Variants in CYP11A1 observed in about 807,000 individuals in gnomAD.
CYP11A1 encodes the protein cytochrome P450 family 11 subfamily A member 1.
A neutral mutation model predicts 51.9 loss-of-function variants in CYP11A1; 25 were observed. The ratio of observed to expected loss-of-function variants is 0.48; its 90% CI spans 0.35 to 0.67. The LOEUF (loss-of-function observed/expected upper bound fraction) is 0.67, where lower values mean the gene tolerates loss of function less well. Ranked by LOEUF, CYP11A1 falls within the 30% of genes least tolerant of loss-of-function variation. The pLI is 0.00. For synonymous variants in CYP11A1, 245 were observed against 262.1 expected, an observed-to-expected ratio of 0.93 and a Z score of 0.63; for missense variants, 578 against 680.9, an observed-to-expected ratio of 0.85 and a Z score of 1.68.
At chr15:74,367,112 T>G in intron 1 of CYP11A1, 1 of 623,952 alleles carries the variant, frequency 1.6e-6, no homozygotes, top group Non-Finnish European at 2.8e-6. Context: ...TTAGAGTACT[T>G]AAGACATTCA....
chr15:74,344,081 C>G (rs2060621419), intron 3 of CYP11A1, 89 bp from the exon 4 acceptor site: 1 of 1,073,990 alleles, frequency 9.3e-7, no homozygotes, highest in Non-Finnish European at 1.4e-6. Flanking sequence ...CCTCACCTCC[C>G]TCAGCACAAA....
chr15:74,364,267 A>G (rs12913682), intron 1 of CYP11A1: 103,395 of 151,606 alleles, frequency 0.68, 35,259 homozygotes, highest in Non-Finnish European at 0.71. Flanking sequence ...GCCCCAAGCC[A>G]GCATGAAGCA....
intron 1 of CYP11A1, among the ~76,000 whole-genome samples, chr15:74,354,077 T>G (rs2060666759): frequency 6.6e-6 from 1 of 152,188 alleles, no homozygotes. Flanking sequence ...TGAATATTCT[T>G]AATTCATTGC....
chr15:74,354,946 G>A (rs1026218381), intron 1 of CYP11A1, among the ~76,000 whole-genome samples: 1 of 152,084 alleles, frequency 6.6e-6, no homozygotes, highest in Non-Finnish European at 1.5e-5. Flanking sequence ...CATTTCAGAG[G>A]TGTTTGATCA....
chr15:74,344,072 C>G (rs1279742501), intron 3 of CYP11A1, 80 bp from the exon 4 acceptor site: 12 of 1,125,900 alleles, frequency 1.1e-5, no homozygotes, highest in East Asian at 7.1e-5. Context: ...CTCCTCCACC[C>G]TCACCTCCCT....
intron 1 of CYP11A1, among the ~76,000 whole-genome samples, chr15:74,358,999 C>T (rs2060694417): frequency 6.6e-6 from 1 of 152,186 alleles, no homozygotes; most frequent in Non-Finnish European, 1.5e-5. Context: ...CAAGTAATTA[C>T]ACTGAATCCC....
chr15:74,349,926 T>A (rs114716485), intron 1 of CYP11A1, among the ~76,000 whole-genome samples: 2,761 of 152,166 alleles, frequency 0.018, 78 homozygotes, highest in African/African-American at 0.064. Flanking sequence ...CACTCCACCC[T>A]GGGAGACAGA....
rs2060692044 is a variant in CYP11A1 at position 74,358,462 on chromosome 15, C to T, written c.269+8855G>A. Among the ~76,000 whole-genome samples, 5 of 152,330 alleles carry T rather than the reference C, an allele frequency of 3.3e-5. No individual in the cohort carries two copies. The South Asian group carries it at 1.0e-3, about 32-fold the overall frequency. On this transcript the variant is annotated intron_variant, in intron 1 of 8. Transcript: ENST00000268053. ...AAGCCACTAGCCCACCTCTTAGAACCTCTCATTTCCTTTCCATCATGGAAA... is the reference window on the plus strand; with the variant it reads ...AAGCCACTAGCCCACCTCTTAGAACTTCTCATTTCCTTTCCATCATGGAAA...
intron 1 of CYP11A1, 78 bp downstream of exon 1, chr15:74,367,239 G>A: frequency 1.9e-6 from 3 of 1,542,788 alleles, no homozygotes; most frequent in Non-Finnish European, 2.7e-6. Flanking sequence ...GCCTGTTGGG[G>A]GAGTGGGGAC....
chr15:74,341,665 T>C (rs541210660), intron 5 of CYP11A1, among the ~76,000 whole-genome samples: 1 of 152,354 alleles, frequency 6.6e-6, no homozygotes, highest in Non-Finnish European at 1.5e-5. Flanking sequence ...GCCTCCCTGT[T>C]ATAGGCTGAG....
chr15:74,340,706 A>C (rs919067993), intron 5 of CYP11A1, among the ~76,000 whole-genome samples: 2 of 152,152 alleles, frequency 1.3e-5, no homozygotes, highest in African/African-American at 4.8e-5. Context: ...CAGATGCGGA[A>C]ACTGAAACAA....
At chr15:74,339,140 G>T in intron 7 of CYP11A1, 97 bp downstream of exon 7, 7 of 1,015,368 alleles carry the variant, frequency 6.9e-6, no homozygotes, top group Non-Finnish European at 1.1e-5. Flanking sequence ...GCCATCAAGG[G>T]CCCCACCAGG....
chr15:74,337,982 G>A lies in CYP11A1; in HGVS notation c.1556C>T (p.Thr519Ile). The A allele has an allele frequency of 1.2e-6, 2 of 1,614,054 alleles. No homozygotes were observed. Among genetic ancestry groups the A allele is most frequent in the South Asian group, 2.2e-5 (2 of 91,072 alleles). ...GGCCATCCTCTCTGATCACTGCTGG[G>A]TTGCTTCCTGGTTAAAGGGCCAGAA... ...FTFWPFNQEA[T>I]QQ is the part of the protein sequence containing the mutation. The change falls in exon 9 of 9, where the codon ACC becomes ATC. Residue 519 changes from threonine to isoleucine, a missense_variant. Coordinates refer to ENST00000268053, the MANE Select transcript of CYP11A1 (RefSeq NM_000781.3).
rs1285900251 is a variant in CYP11A1, at chr15:74,345,794, A to G, written c.426-551T>C. Among the ~76,000 whole-genome samples, 1 of 152,196 alleles carries G rather than the reference A, an allele frequency of 6.6e-6. No homozygotes were observed. Among genetic ancestry groups the G allele is most frequent in the Non-Finnish European group, 1.5e-5 (1 of 68,038 alleles). ...ACCTTAATTCATGCACACTCTTGAA[A>G]TTCATCAATCCATGCAAAGTCCTCT... On this transcript the variant is annotated intron_variant, in intron 2 of 8. Transcript: ENST00000268053. The surrounding 1 kb of genome is among the most constrained non-coding windows in gnomAD (Gnocchi z 4.3).
At chr15:74,342,937 C>T in intron 5 of CYP11A1, 40 bp downstream of exon 5, 2 of 1,609,852 alleles carry the variant, frequency 1.2e-6, no homozygotes, top group South Asian at 1.1e-5. Flanking sequence ...GGCACGTGGG[C>T]ACAGGGGGCA....
Position 74,345,024 on chromosome 15 carries a change from C to T in CYP11A1, c.625+20G>A. 1 of 1,611,230 alleles carries T rather than the reference C, an allele frequency of 6.2e-7. No homozygotes were observed. Among genetic ancestry groups the T allele is most frequent in the Non-Finnish European group, 8.5e-7 (1 of 1,177,402 alleles). ...CTCCCACCCCCATGCCCACTGCCAGCCAGGTGCAAGCCCCCTTACACTCAA... is the reference window on the plus strand; with the variant it reads ...CTCCCACCCCCATGCCCACTGCCAGTCAGGTGCAAGCCCCCTTACACTCAA... On this transcript the variant is annotated intron_variant, in intron 3 of 8. Transcript: ENST00000268053. This position sits in a 1 kb window ranked among gnomAD's most constrained non-coding sequence, Gnocchi z 4.3.
chr15:74,354,106 C>T (rs780032324), intron 1 of CYP11A1, among the ~76,000 whole-genome samples: 7 of 152,146 alleles, frequency 4.6e-5, no homozygotes, highest in African/African-American at 7.2e-5. Context: ...TGTTTGCATA[C>T]AGTCAAGCAG....
At position 74,367,319 on chromosome 15, in the gene CYP11A1, G is replaced by A; in HGVS notation, c.267C>T (p.Tyr89=). ...VQNFQKYGPI[Y]REKLGNVESV... is the part of the protein sequence containing the mutation. ...CTCCCACCCTCTGCCAGGCTTACCT[G>A]TAAATCGGGCCATACTTCTGGAAAT... The change falls in exon 1 of 9, where the codon TAC becomes TAT. Residue 89 remains tyrosine, a splice_region_variant and synonymous_variant. Coordinates refer to ENST00000268053, the MANE Select transcript of CYP11A1 (RefSeq NM_000781.3). The A allele has an allele frequency of 6.8e-6, 11 of 1,614,168 alleles. No individual in the cohort carries two copies. The highest frequency in any genetic ancestry group is 8.5e-6 in the Non-Finnish European group (10 of 1,180,034).
At chr15:74,353,313 A>C (rs1008665345) in intron 1 of CYP11A1, among the ~76,000 whole-genome samples, 2 of 152,228 alleles carry the variant, frequency 1.3e-5, no homozygotes, top group Non-Finnish European at 2.9e-5. Flanking sequence ...AGAATTGGAA[A>C]CATTTGGCTA....
Sources: allele counts gnomAD v4.1 joint callset (sites outside exome capture counted in the v4.1 genomes callset), GRCh38; gene constraint gnomAD v4.1.1; non-coding constraint Gnocchi (gnomAD v3.1); transcripts MANE v1.5; gene names NCBI Gene and HGNC (gene_info 2026-07-23, HGNC 2026-07-21).